USH2A: variants seen among roughly 807,000 people sequenced by gnomAD.
USH2A encodes the protein usherin, also known as Usher syndrome 2A (autosomal recessive, mild).
In USH2A, 443 loss-of-function variants were observed where a neutral mutation model predicts 538.9. The ratio of observed to expected loss-of-function variants is 0.82; its 90% CI spans 0.76 to 0.89. The LOEUF (loss-of-function observed/expected upper bound fraction) is 0.89, where lower values mean the gene tolerates loss of function less well. USH2A is among the 40% of genes least tolerant of loss of function. The pLI is 0.00. For missense variants in USH2A, 6,633 were observed against 6,324.8 expected (o/e 1.05, Z -1.65); for synonymous variants, 2,413 against 2,273.5 (o/e 1.06, Z -1.75).
intron 4 of USH2A, among the ~76,000 whole-genome samples, chr1:216,328,806 G>A (rs878903104): frequency 2.6e-5 from 4 of 151,876 alleles, no homozygotes; most frequent in Admixed American, 2.6e-4. Flanking sequence ...AAGAGTATGT[G>A]TCTGTGTGTG....
chr1:216,021,228 C>T (rs564715546), intron 32 of USH2A, among the ~76,000 whole-genome samples: 1 of 152,282 alleles, frequency 6.6e-6, no homozygotes, highest in African/African-American at 2.4e-5. Context: ...CTGCCCAGAT[C>T]TCATCTTGAA....
intron 11 of USH2A, among the ~76,000 whole-genome samples, chr1:216,280,026 T>C (rs2102593319): frequency 6.6e-6 from 1 of 151,888 alleles, no homozygotes; most frequent in African/African-American, 2.4e-5. Context: ...TCTCTAGATG[T>C]ATGCACTTTA....
chr1:216,234,698 C>T (rs148064375), intron 13 of USH2A, among the ~76,000 whole-genome samples: 2 of 152,028 alleles, frequency 1.3e-5, no homozygotes, highest in Non-Finnish European at 2.9e-5. Flanking sequence ...TTTAGACTTA[C>T]TGCAATAGCT....
chr1:216,348,596 T>C (rs1037911034), intron 4 of USH2A, among the ~76,000 whole-genome samples: 2 of 152,150 alleles, frequency 1.3e-5, no homozygotes, highest in Non-Finnish European at 2.9e-5. Flanking sequence ...TTTAAAATCC[T>C]ATGTGAAAAA....
In USH2A at chr1:215,652,181, C is replaced by T. The variant is rs1313495725; in HGVS notation, c.14134-1380G>A. On this transcript the variant is annotated intron_variant, in intron 64 of 71. Transcript: ENST00000307340. ...GGTGAGCCGAGAATGTATTACTAGTCCCCTTTTAAAGGTGAGGAAATTGAG... is the reference window on the plus strand; with the variant it reads ...GGTGAGCCGAGAATGTATTACTAGTTCCCTTTTAAAGGTGAGGAAATTGAG... 7.9e-5 allele frequency among the ~76,000 whole-genome samples: 12 copies of T among 152,314 alleles called. No homozygotes were observed. In the South Asian group the frequency reaches 2.5e-3, roughly 32 times the overall value.
At chr1:216,256,321 CTTT>C (rs201852377) in intron 11 of USH2A, among the ~76,000 whole-genome samples, 1 of 125,536 alleles carries the variant, frequency 8.0e-6, no homozygotes, top group Non-Finnish European at 1.7e-5. Context: ...TTCTTTTTTC[CTTT>C]TTTTTTTTTT....
Position 215,777,387 on chromosome 1 carries a change from T to C in USH2A, c.10939+2456A>G, listed in dbSNP as rs149842086. On this transcript the variant is annotated intron_variant, in intron 55 of 71. Transcript: ENST00000307340. ...GTCTGTTGGTGTATAAATGCTGATT[T>C]CTAAAAAATGCAAACCAATAAAGTA... 1.2e-4 allele frequency among the ~76,000 whole-genome samples: 19 copies of C among 152,338 alleles called. No individual in the cohort carries two copies. In the East Asian group the frequency reaches 2.1e-3, roughly 17 times the overall value.
Position 215,675,516 on chromosome 1 carries a change from A to T in USH2A, c.12395T>A (p.Leu4132Gln), listed in dbSNP as rs767712486. 1.2e-6 allele frequency: 2 copies of T among 1,614,044 alleles called. No homozygotes were observed. Among genetic ancestry groups the T allele is most frequent in the Non-Finnish European group, 1.7e-6 (2 of 1,179,984 alleles). The change falls in exon 63 of 72, where the codon CTG (leucine) becomes CAG (glutamine). Residue 4132 changes from leucine (L) to glutamine (Q), a missense_variant. Coordinates refer to ENST00000307340, the MANE Select transcript of USH2A (RefSeq NM_206933.4). ...LDPFTLYTLT[L>Q]EACTRAGCAH... ...ACAACCTGCTCTGGTGCAGGCCTCC[A>T]GGGTCAGTGTGTAGAGAGTGAAAGG...
intron 32 of USH2A, among the ~76,000 whole-genome samples, chr1:216,029,561 C>A (rs982489404): frequency 2.0e-5 from 3 of 151,832 alleles, no homozygotes; most frequent in Non-Finnish European, 2.9e-5. Flanking sequence ...CTATTTATTA[C>A]AAATTTGGTA....
chr1:216,161,223 A>AT (rs1160092903), intron 21 of USH2A, among the ~76,000 whole-genome samples: 5 of 152,098 alleles, frequency 3.3e-5, no homozygotes, highest in Admixed American at 3.3e-4. Context: ...CCACAGTGGT[A>AT]TTTGTCCTTT....
intron 61 of USH2A, among the ~76,000 whole-genome samples, chr1:215,717,567 T>A (rs957784183): frequency 6.6e-6 from 1 of 152,236 alleles, no homozygotes; most frequent in African/African-American, 2.4e-5. Flanking sequence ...TTTCTCCAAA[T>A]ACACGACGAG....
intron 35 of USH2A, among the ~76,000 whole-genome samples, chr1:215,983,613 C>T (rs1344246783): frequency 6.6e-6 from 1 of 151,980 alleles, no homozygotes; most frequent in Non-Finnish European, 1.5e-5. Flanking sequence ...ACGCACTACC[C>T]CCCCATCAAA....
At chr1:216,393,149 G>A (rs1349336335) in intron 3 of USH2A, among the ~76,000 whole-genome samples, 2 of 152,128 alleles carry the variant, frequency 1.3e-5, no homozygotes, top group African/African-American at 4.8e-5. Context: ...ATTATCAGAA[G>A]AAACATTGAC....
intron 49 of USH2A, among the ~76,000 whole-genome samples, chr1:215,805,711 T>C (rs192582372): frequency 6.6e-6 from 1 of 152,184 alleles, no homozygotes; most frequent in African/African-American, 2.4e-5. Flanking sequence ...GAAGAAGGTA[T>C]CATAACTTCC....
chr1:216,190,863 A>G (rs1463881101), intron 19 of USH2A, among the ~76,000 whole-genome samples: 2 of 152,226 alleles, frequency 1.3e-5, no homozygotes, highest in South Asian at 2.1e-4. Context: ...AGGGGAAAAA[A>G]TTAAACATTA....
chr1:215,817,261 A>C (rs1662885369), intron 47 of USH2A, 66 bp from the exon 48 acceptor site: 2 of 1,474,512 alleles, frequency 1.4e-6, no homozygotes, highest in African/African-American at 1.4e-5. Context: ...TATCAGTCTT[A>C]AGTAAAAAGT....
At chr1:215,842,285 G>A (rs1240537044) in intron 46 of USH2A, among the ~76,000 whole-genome samples, 1 of 152,184 alleles carries the variant, frequency 6.6e-6, no homozygotes, top group Non-Finnish European at 1.5e-5. Flanking sequence ...TCAGAATGGT[G>A]ATTATTGAAA....
At chr1:215,874,262 TTA>T (rs1348182603) in intron 43 of USH2A, among the ~76,000 whole-genome samples, 1 of 152,134 alleles carries the variant, frequency 6.6e-6, no homozygotes, top group Non-Finnish European at 1.5e-5. Flanking sequence ...TTGCAAGGAA[TTA>T]TTAAGGAAGA....
At chr1:216,046,383 A>G (rs1216490578) in intron 32 of USH2A, 48 bp downstream of exon 32, 5 of 1,609,776 alleles carry the variant, frequency 3.1e-6, no homozygotes, top group Non-Finnish European at 3.4e-6. Flanking sequence ...GTATGTTTAT[A>G]TTTGAATATA....
Sources: gnomAD v4.1 joint callset for allele counts (sites outside exome capture counted in the v4.1 genomes callset) on GRCh38, gnomAD v4.1.1 for gene constraint, MANE v1.5 for transcripts, NCBI Gene and HGNC (gene_info 2026-07-23, HGNC 2026-07-21) for gene names.